The following GRM8 variants were observed in gnomAD, a reference collection of about 807,000 sequenced individuals.
GRM8 encodes the protein glutamate metabotropic receptor 8.
A neutral mutation model predicts 87.2 loss-of-function variants in GRM8; 47 were observed. That is an observed-to-expected ratio of 0.54 (90% CI 0.43 to 0.69). The LOEUF is 0.69. Ranked by LOEUF, GRM8 falls within the 30% of genes least tolerant of loss-of-function variation. The probability of loss-of-function intolerance (pLI) is 0.00; values close to 1 mark genes in which losing one functional copy is unlikely to be tolerated. For missense variants in GRM8, 1,019 were observed against 1,139.2 expected, an observed-to-expected ratio of 0.89 and a Z score of 1.52; for synonymous variants, 396 against 404.5, an observed-to-expected ratio of 0.98 and a Z score of 0.25.
intron 7 of GRM8, among the ~76,000 whole-genome samples, chr7:126,739,951 C>G (rs1814752074): frequency 6.6e-6 from 1 of 151,964 alleles, no homozygotes; most frequent in South Asian, 2.1e-4. Context: ...GTGTAGCAGA[C>G]TATACCATCT....
intron 3 of GRM8, among the ~76,000 whole-genome samples, chr7:126,967,041 A>G (rs1290375138): frequency 6.6e-6 from 1 of 152,150 alleles, no homozygotes; most frequent in East Asian, 1.9e-4. Flanking sequence ...CTTTGCATCT[A>G]TTGTTAGATT....
chr7:127,223,455 A>G (rs754533239), intron 2 of GRM8, among the ~76,000 whole-genome samples: 13,152 of 66,224 alleles, frequency 0.2, 956 homozygotes, highest in African/African-American at 0.45. Flanking sequence ...ACACACACAC[A>G]CACACACACA....
intron 9 of GRM8, among the ~76,000 whole-genome samples, chr7:126,525,265 T>C (rs1813658414): frequency 6.6e-6 from 1 of 152,238 alleles, no homozygotes; most frequent in African/African-American, 2.4e-5. Flanking sequence ...TTCTAAGAGT[T>C]GAGAAACTTA....
At chr7:127,021,834 AGATTAGAAAG>A (rs1166618761) in intron 3 of GRM8, among the ~76,000 whole-genome samples, 2 of 152,130 alleles carry the variant, frequency 1.3e-5, no homozygotes, top group Non-Finnish European at 2.9e-5. Flanking sequence ...GATTAGATTC[AGATTAGAAAG>A]GATACTAGAA....
chr7:127,234,773 A>G (rs1317345857), intron 2 of GRM8, among the ~76,000 whole-genome samples: 33 of 152,210 alleles, frequency 2.2e-4, no homozygotes, highest in Admixed American at 2.0e-3. Flanking sequence ...CTCGCATGCT[A>G]CAGTGTGATA....
intron 2 of GRM8, among the ~76,000 whole-genome samples, chr7:127,204,051 T>C (rs1389073783): frequency 1.3e-5 from 2 of 152,162 alleles, no homozygotes; most frequent in East Asian, 3.8e-4. Flanking sequence ...AATCTAACTG[T>C]GGAGTTTATT....
chr7:127,161,608 A>G (rs542977951), intron 2 of GRM8, among the ~76,000 whole-genome samples: 1 of 152,232 alleles, frequency 6.6e-6, no homozygotes, highest in African/African-American at 2.4e-5. Context: ...TGCTGAAGCA[A>G]AAGACTTATT....
intron 2 of GRM8, among the ~76,000 whole-genome samples, chr7:127,173,081 A>C (rs1793908878): frequency 6.6e-6 from 1 of 152,208 alleles, no homozygotes; most frequent in Non-Finnish European, 1.5e-5. Context: ...CCACCATACC[A>C]AGCACTGGTC....
At chr7:126,718,068 TA>T (rs907370678) in intron 7 of GRM8, among the ~76,000 whole-genome samples, 60 of 148,080 alleles carry the variant, frequency 4.1e-4, no homozygotes, top group Admixed American at 8.8e-4. Flanking sequence ...CCGTCTCTAC[TA>T]AAAAAAAAAT....
chr7:126,550,239 C>T (rs527333231), intron 8 of GRM8, among the ~76,000 whole-genome samples: 4 of 151,838 alleles, frequency 2.6e-5, no homozygotes, highest in East Asian at 1.9e-4. Context: ...CTCAGTCCCC[C>T]GAGCAACTGG....
chr7:127,060,879 C>T (rs1168402848), intron 3 of GRM8, among the ~76,000 whole-genome samples: 2 of 151,984 alleles, frequency 1.3e-5, no homozygotes, highest in Non-Finnish European at 2.9e-5. Context: ...GAATAATCAC[C>T]CATCATTTGC....
chr7:126,842,638 G>C (rs772976545), intron 6 of GRM8, among the ~76,000 whole-genome samples: 2 of 152,250 alleles, frequency 1.3e-5, no homozygotes, highest in South Asian at 2.1e-4. Flanking sequence ...TGATCACAAA[G>C]CTCCTTTAAT....
At chr7:127,130,953 T>G (rs1031681610) in intron 2 of GRM8, among the ~76,000 whole-genome samples, 4 of 152,200 alleles carry the variant, frequency 2.6e-5, no homozygotes, top group African/African-American at 7.2e-5. Flanking sequence ...CCTTTCTTTA[T>G]AGATTACCCA....
chr7:126,487,469 T>G (rs774673177), intron 9 of GRM8, among the ~76,000 whole-genome samples: 3 of 151,912 alleles, frequency 2.0e-5, no homozygotes, highest in Non-Finnish European at 4.4e-5. Context: ...AATTATAGAT[T>G]TATTTATTTT....
intron 7 of GRM8, among the ~76,000 whole-genome samples, chr7:126,748,573 C>A: frequency 6.9e-6 from 1 of 145,776 alleles, no homozygotes; most frequent in Non-Finnish European, 1.5e-5. Context: ...AGATTCAATG[C>A]AATACCAACT....
At chr7:127,078,673 C>T (rs573310328) in intron 3 of GRM8, among the ~76,000 whole-genome samples, 1 of 152,314 alleles carries the variant, frequency 6.6e-6, no homozygotes, top group South Asian at 2.1e-4. Flanking sequence ...AGATGGTCCC[C>T]ATCCCAGTTT....
At chr7:127,038,991 C>T (rs1284790361) in intron 3 of GRM8, among the ~76,000 whole-genome samples, 1 of 152,164 alleles carries the variant, frequency 6.6e-6, no homozygotes, top group East Asian at 1.9e-4. Flanking sequence ...AGAGCCCTCA[C>T]CCCACAGTTG....
At chr7:127,134,829 A>G (rs1019709839) in intron 2 of GRM8, among the ~76,000 whole-genome samples, 1 of 152,270 alleles carries the variant, frequency 6.6e-6, no homozygotes, top group Non-Finnish European at 1.5e-5. Flanking sequence ...GTCTATCAAA[A>G]TTTCACCTAG....
chr7:127,067,533 T>C (rs1179798510), intron 3 of GRM8, among the ~76,000 whole-genome samples: 1 of 152,188 alleles, frequency 6.6e-6, no homozygotes, highest in East Asian at 1.9e-4. Context: ...TTTCCGAAAC[T>C]ATCTGGAACA....
Sources: allele counts gnomAD v4.1 joint callset (sites outside exome capture counted in the v4.1 genomes callset), GRCh38; gene constraint gnomAD v4.1.1; transcripts MANE v1.5; gene names NCBI Gene and HGNC (gene_info 2026-07-23, HGNC 2026-07-21).